Variants in C13orf46 observed in about 807,000 individuals in gnomAD.
C13orf46 encodes uncharacterized protein C13orf46.
chr13:113,937,414 T>C, the C13orf46 span, among the ~76,000 whole-genome samples: 2 of 152,190 alleles, frequency 1.3e-5, no homozygotes, highest in African/African-American at 2.4e-5. Flanking sequence ...CCCTTGGTTA[T>C]GGTAACAATC....
At chr13:113,932,846 A>T in the C13orf46 span, among the ~76,000 whole-genome samples, 1 of 152,054 alleles carries the variant, frequency 6.6e-6, no homozygotes, top group East Asian at 1.9e-4. Context: ...TTTAGTTCAC[A>T]CATTTAGATT....
chr13:113,936,182 T>C, the C13orf46 span, among the ~76,000 whole-genome samples: 3 of 152,222 alleles, frequency 2.0e-5, no homozygotes, highest in African/African-American at 7.2e-5. Flanking sequence ...TTGGAGTCTC[T>C]GGGTGAGCAA....
intron 6 of C13orf46, among the ~76,000 whole-genome samples, chr13:113,957,883 CCATA>C: frequency 6.9e-6 from 1 of 145,732 alleles, no homozygotes; most frequent in African/African-American, 2.6e-5. Context: ...CCCCTGCACT[CCATA>C]TGCACCCCCT....
intron 1 of C13orf46, among the ~76,000 whole-genome samples, chr13:113,971,109 G>A (rs2052700107): frequency 6.6e-6 from 1 of 152,244 alleles, no homozygotes; most frequent in Admixed American, 6.5e-5. Flanking sequence ...GCGGATTCCA[G>A]ATCCCACAGG....
chr13:113,963,866 T>C (rs1282250222), intron 6 of C13orf46, among the ~76,000 whole-genome samples: 3 of 152,274 alleles, frequency 2.0e-5, no homozygotes, highest in African/African-American at 7.2e-5. Context: ...GTTTGTTTGT[T>C]TGAGATGGAG....
downstream of C13orf46, among the ~76,000 whole-genome samples, chr13:113,951,435 T>TCGGCTCTG (rs1477073987): frequency 2.0e-5 from 3 of 152,134 alleles, no homozygotes. Flanking sequence ...TGCTTTGGCC[T>TCGGCTCTG]CGGCTCTGCC....
rs986009924 is a variant in C13orf46 at position 113,971,701 on chromosome 13, C to T, written c.191-1479G>A. Among the ~76,000 whole-genome samples the T allele has an allele frequency of 2.0e-5, 3 of 152,366 alleles. No individual in the cohort carries two copies. The South Asian group carries it at 6.2e-4, about 32-fold the overall frequency. ...TGTGAAGTGGACGCGGCGTCTCACA[C>T]ATCCGGGCACCTGTGGGTGCACGTG... On this transcript the variant is annotated intron_variant, in intron 1 of 6. Transcript: ENST00000636427.
At chr13:113,966,610 A>G (rs1263550680) in intron 5 of C13orf46, among the ~76,000 whole-genome samples, 1 of 151,064 alleles carries the variant, frequency 6.6e-6, no homozygotes, top group East Asian at 2.0e-4. Flanking sequence ...GGTGACAGTG[A>G]TGATGGTCAT....
In C13orf46 at chr13:113,954,123, G is replaced by T. The variant is rs1243112877; in HGVS notation, c.*2650C>A. ...AAAGGGCCCCTCCCTCCCTGGCTGA[G>T]TGATGGGCAGAGCTCACCCTCTGGG... is the stretch of plus-strand genomic sequence containing the variant. On this transcript the variant is annotated 3_prime_UTR_variant, in exon 7 of 7. Transcript: ENST00000636427. 6.6e-6 allele frequency: 1 copy of T among 152,288 alleles called. No homozygotes were observed. 9.4% of individuals were successfully genotyped at this position (152,288 alleles called of 1,614,324 possible).
Position 113,968,524 on chromosome 13 carries a change from CAA to C in C13orf46, c.409-12_409-11del, listed in dbSNP as rs2052672326. The C allele has an allele frequency of 6.6e-6, 1 of 152,266 alleles. No individual in the cohort carries two copies. The highest frequency in any genetic ancestry group is 6.5e-5 in the Admixed American group (1 of 15,276). The allele number at this position is 152,266 out of a possible 1,614,324, so 9.4% of individuals were successfully genotyped here. A position where few individuals can be genotyped will look rare whatever the true frequency, so the allele number is the denominator to read the frequency against. On this transcript the variant is annotated splice_polypyrimidine_tract_variant and intron_variant, in intron 3 of 6. Transcript: ENST00000636427. ...ACTCTGCCTCCTGTTCCTGTAAGACCAAAGAGGTTAAGTGAAGGCCGGGCTCC... is the reference window on the plus strand; with the variant it reads ...ACTCTGCCTCCTGTTCCTGTAAGACCAGAGGTTAAGTGAAGGCCGGGCTCC...
the C13orf46 span, among the ~76,000 whole-genome samples, chr13:113,946,053 A>ATTTAG: frequency 6.6e-6 from 1 of 152,136 alleles, no homozygotes; most frequent in Non-Finnish European, 1.5e-5. Flanking sequence ...GTTCACCGTG[A>ATTTAG]GTGAATGCCG....
At chr13:113,940,500 T>TCTC in the C13orf46 span, among the ~76,000 whole-genome samples, 117 of 131,104 alleles carry the variant, frequency 8.9e-4, no homozygotes, top group Middle Eastern at 0.013. Context: ...GAGACCCTGG[T>TCTC]CTCTGGGACT....
At chr13:113,946,320 T>C in the C13orf46 span, among the ~76,000 whole-genome samples, 1 of 152,194 alleles carries the variant, frequency 6.6e-6, no homozygotes, top group African/African-American at 2.4e-5. Flanking sequence ...ACAGGACCTA[T>C]GTGGCATGTG....
downstream of C13orf46, among the ~76,000 whole-genome samples, chr13:113,948,886 TA>T (rs1431442540): frequency 1.8e-4 from 27 of 152,356 alleles, no homozygotes; most frequent in Admixed American, 1.6e-3. Flanking sequence ...AATTTCCTGA[TA>T]GGGGTGTCTG....
intron 5 of C13orf46, among the ~76,000 whole-genome samples, chr13:113,965,557 A>T (rs2052626993): frequency 6.6e-6 from 1 of 152,058 alleles, no homozygotes; most frequent in Non-Finnish European, 1.5e-5. Context: ...GTTGATGGTG[A>T]TGACGATGGT....
intron 6 of C13orf46, among the ~76,000 whole-genome samples, chr13:113,962,999 T>C (rs1410117012): frequency 6.6e-6 from 1 of 152,158 alleles, no homozygotes; most frequent in Non-Finnish European, 1.5e-5. Context: ...ACTTTCTCTC[T>C]CCCTGGAGAC....
At chr13:113,952,421 G>A (rs1046434206), downstream of C13orf46, among the ~76,000 whole-genome samples, 5 of 152,098 alleles carry the variant, frequency 3.3e-5, no homozygotes, top group African/African-American at 7.2e-5. Context: ...CGCCGCTCCC[G>A]CCTGCTCAGG....
chr13:113,960,257 A>C (rs1009980460), intron 6 of C13orf46, among the ~76,000 whole-genome samples: 1 of 151,844 alleles, frequency 6.6e-6, no homozygotes, highest in Non-Finnish European at 1.5e-5. Flanking sequence ...CTCTGTCTCA[A>C]AAAAAAAGAT....
chr13:113,953,269 G>A (rs2138966847), downstream of C13orf46, among the ~76,000 whole-genome samples: 1 of 152,264 alleles, frequency 6.6e-6, no homozygotes, highest in East Asian at 1.9e-4. Context: ...GCGTGTGCCT[G>A]CGCCACGGAA....
Sources: allele counts gnomAD v4.1 joint callset (sites outside exome capture counted in the v4.1 genomes callset), GRCh38; gene constraint gnomAD v4.1.1; transcripts MANE v1.5; gene names NCBI Gene and HGNC (gene_info 2026-07-23, HGNC 2026-07-21).